The following RYR2 variants were observed in gnomAD, a reference collection of about 807,000 sequenced individuals.
RYR2 encodes cardiac muscle ryanodine receptor-calcium release channel.
Under a neutral mutation model 601.1 loss-of-function variants are expected in RYR2, and 227 were observed. That is an observed-to-expected ratio of 0.38 (90% CI 0.34 to 0.42). The LOEUF (loss-of-function observed/expected upper bound fraction) is 0.42. Among genes scored for constraint, RYR2 ranks in the 10% least tolerant of loss-of-function variants. The pLI is 1.00. For synonymous variants in RYR2, 2,223 were observed against 2,175.1 expected, an observed-to-expected ratio of 1.02 and a Z score of -0.61; for missense variants, 4,646 against 6,156.5, an observed-to-expected ratio of 0.75 and a Z score of 8.21.
intron 3 of RYR2, 81 bp from the exon 4 acceptor site, chr1:237,355,884 C>T: frequency 8.0e-7 from 1 of 1,250,836 alleles, no homozygotes; most frequent in East Asian, 2.5e-5. Context: ...AAATTGATAT[C>T]AATTCATTTA....
intron 68 of RYR2, 128 bp downstream of exon 68, chr1:237,707,397 T>G (rs1158780187): frequency 2.5e-5 from 13 of 527,420 alleles, no homozygotes; most frequent in Non-Finnish European, 4.2e-5. Context: ...AATATTAGTA[T>G]TTGTCATGCT....
rs1012703114 is a variant in RYR2 at position 237,660,661 on chromosome 1, G to C, written c.8299-149G>C. The C allele has an allele frequency of 5.8e-6, 4 of 684,468 alleles. No homozygotes were observed. The African/African-American group carries it at 7.4e-5, about 13-fold the overall frequency. The allele number at this position is 684,468 out of a possible 1,614,324, so 42.4% of individuals were successfully genotyped here. A position where few individuals can be genotyped will look rare whatever the true frequency, so the allele number is the denominator to read the frequency against. On this transcript the variant is annotated intron_variant, in intron 55 of 104. Transcript: ENST00000366574. ...ATCTCTGCTCACACTCTGCTTTTCA[G>C]AATTTTACTTTCCTTTTTATATTTT... is the stretch of plus-strand genomic sequence containing the variant.
intron 1 of RYR2, among the ~76,000 whole-genome samples, chr1:237,219,848 T>C (rs1181992902): frequency 6.6e-6 from 1 of 152,206 alleles, no homozygotes. Flanking sequence ...GCTTAGTTAC[T>C]TAAAGCTGTG....
At chr1:237,509,404 T>G (rs1665654203) in intron 23 of RYR2, among the ~76,000 whole-genome samples, 1 of 152,216 alleles carries the variant, frequency 6.6e-6, no homozygotes, top group Admixed American at 6.5e-5. Flanking sequence ...TTAAATGAGG[T>G]TTTGAAGTAT....
At chr1:237,662,414 T>G (rs1333054741) in intron 56 of RYR2, among the ~76,000 whole-genome samples, 1 of 151,626 alleles carries the variant, frequency 6.6e-6, no homozygotes, top group South Asian at 2.1e-4. Context: ...TCAAGTTAAA[T>G]CTACTACAAC....
intron 2 of RYR2, among the ~76,000 whole-genome samples, chr1:237,322,549 G>A (rs138012781): frequency 3.9e-5 from 6 of 152,196 alleles, no homozygotes; most frequent in African/African-American, 1.2e-4. Flanking sequence ...CCTATGAATG[G>A]ATTCTACAAA....
intron 92 of RYR2, among the ~76,000 whole-genome samples, chr1:237,789,801 A>G (rs1453662332): frequency 6.6e-6 from 1 of 152,164 alleles, no homozygotes; most frequent in Non-Finnish European, 1.5e-5. Context: ...CATGCACATG[A>G]CCAGTCATGG....
At chr1:237,150,251 T>C (rs984285525) in intron 1 of RYR2, among the ~76,000 whole-genome samples, 3 of 152,246 alleles carry the variant, frequency 2.0e-5, no homozygotes, top group African/African-American at 4.8e-5. Context: ...TCTTGATCAC[T>C]GCTCTAGGGC....
chr1:237,625,698 C>T lies in RYR2; in HGVS notation c.6060C>T (p.Asn2020=). ...ELDEDGSLDG[N]SDLTIRGRLL... ...ATGAAGATGGGTCTCTGGATGGAAA[C>T]AGTGATTTAACAATTAGAGGGCGTC... The change falls in exon 40 of 105, where the codon AAC becomes AAT. Residue 2020 remains asparagine (N), a synonymous_variant. Coordinates refer to ENST00000366574, the MANE Select transcript of RYR2 (RefSeq NM_001035.3). 1 of 1,613,578 alleles carries T rather than the reference C, an allele frequency of 6.2e-7. No individual in the cohort carries two copies. The highest frequency in any genetic ancestry group is 8.5e-7 in the Non-Finnish European group (1 of 1,179,786).
At chr1:237,309,708 C>T (rs564278065) in intron 2 of RYR2, among the ~76,000 whole-genome samples, 16 of 152,228 alleles carry the variant, frequency 1.1e-4, no homozygotes, top group South Asian at 1.0e-3. Flanking sequence ...GGCTCGGACA[C>T]GCAGGAGCCC....
rs375452139 is a variant in RYR2 at position 237,157,284 on chromosome 1, A to G, written c.49-113213A>G. Among the ~76,000 whole-genome samples, 7 of 115,152 alleles carry G rather than the reference A, an allele frequency of 6.1e-5. No homozygotes were observed. The East Asian group carries it at 2.0e-3, about 33-fold the overall frequency. The allele number at this position is 115,152 out of a possible 152,430, so 75.5% of individuals were successfully genotyped here. On this transcript the variant is annotated intron_variant, in intron 1 of 104. Transcript: ENST00000366574. ...GCACTCCAGCCTGGGTGACAGAGTG[A>G]GACTCCATCTCAAAAAAAAAAAAAA...
chr1:237,739,437 C>T (rs1412804731), intron 79 of RYR2, among the ~76,000 whole-genome samples: 2 of 152,178 alleles, frequency 1.3e-5, no homozygotes, highest in East Asian at 3.9e-4. Flanking sequence ...GAAGCTGCTT[C>T]ACCCCAACGG....
rs200563683 is a variant in RYR2 at position 237,269,042 on chromosome 1, C to CTTTTTTTTTTTTTT, written c.49-1453_49-1440dup. Among the ~76,000 whole-genome samples, 3 of 113,222 alleles carry CTTTTTTTTTTTTTT rather than the reference C, an allele frequency of 2.6e-5. 1 individual carries two copies. Among genetic ancestry groups the CTTTTTTTTTTTTTT allele is most frequent in the African/African-American group, 1.1e-4 (3 of 27,312 alleles). 74.3% of individuals were successfully genotyped at this position (113,222 alleles called of 152,430 possible). On this transcript the variant is annotated intron_variant, in intron 1 of 104. Coordinates refer to ENST00000366574, the MANE Select transcript of RYR2 (RefSeq NM_001035.3). The stretch of plus-strand genomic sequence containing the variant: ...ACCTTTCCAATTTATATAGCATATT[C>CTTTTTTTTTTTTTT]TTTTTTTTTTTTTTTGTGAGACAGA...
At position 237,189,876 on chromosome 1, in the gene RYR2, TTTA is replaced by T. The variant is rs869069277; in HGVS notation, c.49-80618_49-80616del. ...AATTCCATACTGTTTTATTTTTATT[TTTA>T]TTTTTTTTTTTGAGACAGAGTTTCA... On this transcript the variant is annotated intron_variant, in intron 1 of 104. Coordinates refer to ENST00000366574, the MANE Select transcript of RYR2 (RefSeq NM_001035.3). Among the ~76,000 whole-genome samples, 178 of 69,474 alleles carry T rather than the reference TTTA, an allele frequency of 2.6e-3. 1 individual carries two copies. The highest frequency in any genetic ancestry group is 7.1e-3 in the African/African-American group (108 of 15,170). The allele number at this position is 69,474 out of a possible 152,430, so 45.6% of individuals were successfully genotyped here. A position where few individuals can be genotyped will look rare whatever the true frequency, so the allele number is the denominator to read the frequency against.
intron 83 of RYR2, 124 bp from the exon 84 acceptor site, chr1:237,760,831 T>TAATGAATGGAGACATG: frequency 4.1e-5 from 28 of 677,662 alleles, no homozygotes; most frequent in Admixed American, 1.1e-4. Context: ...TGGAGACATG[T>TAATGAATGGAGACATG]TTTCAGTGTA....
chr1:237,674,211 T>C lies in RYR2; in HGVS notation c.8706T>C (p.Ala2902=). ...AGTTCTTGCAGATCAATGGATATGC[T>C]GTATCCAGGTAAAAGTACACATACC... ...ILKFLQINGY[A]VSRGFKDLEL... Residue 2902 remains alanine (A), a synonymous_variant, in exon 59 of 105, where the codon GCT becomes GCC. Transcript: ENST00000366574. 6.2e-7 allele frequency: 1 copy of C among 1,609,588 alleles called. No homozygotes were observed. Among genetic ancestry groups the C allele is most frequent in the East Asian group, 2.2e-5 (1 of 44,812 alleles).
At chr1:237,248,932 T>C (rs887028246) in intron 1 of RYR2, among the ~76,000 whole-genome samples, 3 of 152,004 alleles carry the variant, frequency 2.0e-5, no homozygotes, top group African/African-American at 7.2e-5. Flanking sequence ...CGGCTAATGT[T>C]TTTTGTAGTT....
At chr1:237,593,671 G>A (rs1356787244) in intron 33 of RYR2, 35 bp downstream of exon 33, 3 of 1,607,360 alleles carry the variant, frequency 1.9e-6, no homozygotes, top group South Asian at 1.1e-5. Flanking sequence ...AGAATGACAT[G>A]TGAAAAAAAT....
chr1:237,153,857 A>T (rs1675008574), intron 1 of RYR2, among the ~76,000 whole-genome samples: 1 of 152,220 alleles, frequency 6.6e-6, no homozygotes, highest in South Asian at 2.1e-4. Context: ...GCTACTAGGC[A>T]AACAGGGTTT....
Sources: gnomAD v4.1 joint callset for allele counts (sites outside exome capture counted in the v4.1 genomes callset) on GRCh38, gnomAD v4.1.1 for gene constraint, MANE v1.5 for transcripts, NCBI Gene and HGNC (gene_info 2026-07-23, HGNC 2026-07-21) for gene names.